RAB11FIP4: variants seen among roughly 807,000 people sequenced by gnomAD.
The protein encoded by RAB11FIP4 is rab11 family-interacting protein 4.
RAB11FIP4 carries 23 observed loss-of-function variants against 74.3 expected under a neutral mutation model. That is an observed-to-expected ratio of 0.31 (90% CI 0.22 to 0.44). RAB11FIP4 has a LOEUF of 0.44. Among genes scored for constraint, RAB11FIP4 ranks in the 20% least tolerant of loss-of-function variants. The pLI is 1.00. For missense variants in RAB11FIP4, 630 were observed against 863.9 expected, an observed-to-expected ratio of 0.73 and a Z score of 3.39; for synonymous variants, 360 against 359.9, an observed-to-expected ratio of 1.00 and a Z score of 0.00.
intron 3 of RAB11FIP4, among the ~76,000 whole-genome samples, chr17:31,516,240 C>A (rs1205772646): frequency 6.6e-6 from 1 of 150,596 alleles, no homozygotes; most frequent in Non-Finnish European, 1.5e-5. Context: ...TTCACTGCAC[C>A]ATGTGGCAGC....
At chr17:31,451,556 G>A (rs2071527813) in intron 3 of RAB11FIP4, among the ~76,000 whole-genome samples, 1 of 151,890 alleles carries the variant, frequency 6.6e-6, no homozygotes, top group South Asian at 2.1e-4. Flanking sequence ...TTCCCACTGT[G>A]GCCTCGAAGG....
At position 31,532,957 on chromosome 17, in the gene RAB11FIP4, G is replaced by C. The variant is rs1355313910; in HGVS notation, c.*1225G>C. Reference sequence around the variant, plus strand: ...TTCTAGGCAGCTGGGAATAGACATGGTACTTACCTTAGAGTTTTCCAATTT... The same window carrying C: ...TTCTAGGCAGCTGGGAATAGACATGCTACTTACCTTAGAGTTTTCCAATTT... On this transcript the variant is annotated 3_prime_UTR_variant, in exon 15 of 15. Coordinates refer to ENST00000621161, the MANE Select transcript of RAB11FIP4 (RefSeq NM_032932.6). The C allele has an allele frequency of 1.3e-5, 2 of 152,154 alleles. No homozygotes were observed. The highest frequency in any genetic ancestry group is 2.9e-5 in the Non-Finnish European group (2 of 68,034). 9.4% of individuals were successfully genotyped at this position (152,154 alleles called of 1,614,324 possible).
chr17:31,417,409 C>T (rs978561970), intron 1 of RAB11FIP4, among the ~76,000 whole-genome samples: 1 of 152,152 alleles, frequency 6.6e-6, no homozygotes, highest in Non-Finnish European at 1.5e-5. Flanking sequence ...CTTTGTAGGC[C>T]CCTCTCACCC....
intron 1 of RAB11FIP4, among the ~76,000 whole-genome samples, chr17:31,416,569 T>A (rs1355858932): frequency 6.6e-6 from 1 of 152,014 alleles, no homozygotes; most frequent in Non-Finnish European, 1.5e-5. Context: ...GAATACAGGG[T>A]CCTATTGTGT....
At chr17:31,491,252 A>C (rs1296715017) in intron 3 of RAB11FIP4, among the ~76,000 whole-genome samples, 3 of 152,198 alleles carry the variant, frequency 2.0e-5, no homozygotes, top group Non-Finnish European at 4.4e-5. Flanking sequence ...CTCAGCCCCC[A>C]GCACATTTCC....
In RAB11FIP4 at chr17:31,523,564, C is replaced by T. The variant is rs778873767; in HGVS notation, c.982C>T (p.Leu328=). 2 of 1,614,162 alleles carry T rather than the reference C, an allele frequency of 1.2e-6. No individual in the cohort carries two copies. The highest frequency in any genetic ancestry group is 1.7e-5 in the Admixed American group (1 of 60,030). Residue 328 remains leucine (L), a synonymous_variant, in exon 8 of 15, where the codon CTG becomes TTG. Transcript: ENST00000621161. ...FSSSNGSTED[L]FRDSIDSCDN... ...CAGCAGCAATGGCAGCACCGAAGACCTGTTCCGGGACAGCATTGACTCTTG... is the reference window on the plus strand; with the variant it reads ...CAGCAGCAATGGCAGCACCGAAGACTTGTTCCGGGACAGCATTGACTCTTG...
At chr17:31,458,137 C>T (rs2071597740) in intron 3 of RAB11FIP4, among the ~76,000 whole-genome samples, 1 of 152,204 alleles carries the variant, frequency 6.6e-6, no homozygotes, top group African/African-American at 2.4e-5. Flanking sequence ...GGCCTTGGGG[C>T]CACAGTGTGC....
Position 31,512,208 on chromosome 17 carries a change from C to T in RAB11FIP4, c.337-5443C>T, listed in dbSNP as rs1030286486. Among the ~76,000 whole-genome samples the T allele has an allele frequency of 6.6e-6, 1 of 152,176 alleles. No homozygotes were observed. Among genetic ancestry groups the T allele is most frequent in the African/African-American group, 2.4e-5 (1 of 41,434 alleles). ...CTGTTGCCTGTAGCCCCTCGTGAGG[C>T]CAGGTCAGAATTTACGGCTCCTACC... is the stretch of plus-strand genomic sequence containing the variant. On this transcript the variant is annotated intron_variant, in intron 3 of 14. Coordinates refer to ENST00000621161, the MANE Select transcript of RAB11FIP4 (RefSeq NM_032932.6). The surrounding 1 kb of genome is among the most constrained non-coding windows in gnomAD (Gnocchi z 4.1).
intron 3 of RAB11FIP4, among the ~76,000 whole-genome samples, chr17:31,462,603 T>C (rs566218520): frequency 1.2e-3 from 188 of 152,246 alleles, no homozygotes; most frequent in African/African-American, 4.1e-3. Flanking sequence ...CGTCATTATC[T>C]CCACACCATC....
intron 1 of RAB11FIP4, among the ~76,000 whole-genome samples, chr17:31,428,967 A>G (rs920028840): frequency 4.0e-5 from 6 of 151,638 alleles, no homozygotes; most frequent in African/African-American, 1.5e-4. Context: ...TATTATTATG[A>G]TGATGATGAT....
intron 4 of RAB11FIP4, among the ~76,000 whole-genome samples, chr17:31,518,084 C>T (rs1348056921): frequency 4.6e-5 from 7 of 152,172 alleles, no homozygotes. Context: ...GGCAGCTGTG[C>T]AAAGTCAAGT....
chr17:31,437,840 G>T (rs546191612), intron 3 of RAB11FIP4, among the ~76,000 whole-genome samples: 3 of 152,140 alleles, frequency 2.0e-5, no homozygotes, highest in Non-Finnish European at 4.4e-5. Flanking sequence ...AGGGGCCCCT[G>T]GGGTTGCTGT....
intron 3 of RAB11FIP4, among the ~76,000 whole-genome samples, chr17:31,506,827 A>T (rs576318290): frequency 6.6e-6 from 1 of 152,312 alleles, no homozygotes; most frequent in African/African-American, 2.4e-5. Flanking sequence ...GCTATTGTGA[A>T]TTGTGCTTCA....
rs897403085 is a variant in RAB11FIP4 at position 31,532,103 on chromosome 17, C to T, written c.*371C>T. ...ACCTCTGGGGATAAGGATTCACATT[C>T]GCTCTAGTACGATGGGCTCTTTCAC... On this transcript the variant is annotated 3_prime_UTR_variant, in exon 15 of 15. Coordinates refer to ENST00000621161, the MANE Select transcript of RAB11FIP4 (RefSeq NM_032932.6). 3 of 191,674 alleles carry T rather than the reference C, an allele frequency of 1.6e-5. No homozygotes were observed. Among genetic ancestry groups the T allele is most frequent in the East Asian group, 1.3e-4 (1 of 7,636 alleles). The allele number at this position is 191,674 out of a possible 1,614,324, so 11.9% of individuals were successfully genotyped here.
At chr17:31,518,151 TA>T (rs2072594956) in intron 4 of RAB11FIP4, among the ~76,000 whole-genome samples, 1 of 152,158 alleles carries the variant, frequency 6.6e-6, no homozygotes, top group African/African-American at 2.4e-5. Flanking sequence ...AAGGGAGTTT[TA>T]AATGACTAGT....
intron 4 of RAB11FIP4, among the ~76,000 whole-genome samples, chr17:31,520,752 C>T (rs1034155365): frequency 7.2e-5 from 11 of 152,174 alleles, no homozygotes; most frequent in South Asian, 6.2e-4. Flanking sequence ...CTGATCCGCC[C>T]GCCTCGGCCT....
chr17:31,487,606 A>G (rs2071919756), intron 3 of RAB11FIP4, among the ~76,000 whole-genome samples: 1 of 151,856 alleles, frequency 6.6e-6, no homozygotes, highest in Non-Finnish European at 1.5e-5. Context: ...GCGCCCCCGG[A>G]CTCATTAGGG....
chr17:31,458,700 G>T (rs917208990), intron 3 of RAB11FIP4, among the ~76,000 whole-genome samples: 1 of 152,210 alleles, frequency 6.6e-6, no homozygotes, highest in African/African-American at 2.4e-5. Context: ...AGAGGTGGAG[G>T]CAGTTTGCCA....
chr17:31,528,504 C>T lies in RAB11FIP4; in HGVS notation c.1455C>T (p.Asn485=). The T allele has an allele frequency of 6.2e-7, 1 of 1,613,886 alleles. No homozygotes were observed. Among genetic ancestry groups the T allele is most frequent in the Non-Finnish European group, 8.5e-7 (1 of 1,180,040 alleles). Residue 485 remains asparagine, a synonymous_variant, in exon 12 of 15, where the codon AAC becomes AAT. Coordinates refer to ENST00000621161, the MANE Select transcript of RAB11FIP4 (RefSeq NM_032932.6). ...GCATGATGGACAAGCTGCGACAGAA[C>T]CGCCTTGAGTTCCAGAAGGAGCGGG... is the stretch of plus-strand genomic sequence containing the variant. The part of the protein sequence containing the change: ...YKRMMDKLRQ[N]RLEFQKEREA...
Sources: allele counts gnomAD v4.1 joint callset (sites outside exome capture counted in the v4.1 genomes callset), GRCh38; gene constraint gnomAD v4.1.1; non-coding constraint Gnocchi (gnomAD v3.1); transcripts MANE v1.5; gene names NCBI Gene and HGNC (gene_info 2026-07-23, HGNC 2026-07-21).